The following RGMA variants were observed in gnomAD, a reference collection of about 807,000 sequenced individuals.
The protein encoded by RGMA is repulsive guidance molecule BMP co-receptor a.
A neutral mutation model predicts 23.2 loss-of-function variants in RGMA; 10 were observed. The ratio of observed to expected loss-of-function variants is 0.43; its 90% confidence interval spans 0.27 to 0.73. The LOEUF (loss-of-function observed/expected upper bound fraction) is 0.73, where lower values mean the gene tolerates loss of function less well. RGMA is among the 30% of genes least tolerant of loss of function. The probability of loss-of-function intolerance (pLI) is 0.20; values close to 1 mark genes in which losing one functional copy is unlikely to be tolerated. For missense variants in RGMA, 547 were observed against 630.5 expected (o/e 0.87, Z 1.42); for synonymous variants, 308 against 279.3 (o/e 1.10, Z -1.03).
In RGMA at chr15:93,036,762, A is replaced by AGGTGGGCGCAGTGAGCGGTGG. The variant is rs2054665655; in HGVS notation, c.*8215_*8235dup. 6.6e-6 allele frequency: 1 copy of AGGTGGGCGCAGTGAGCGGTGG among 152,294 alleles called. No individual in the cohort carries two copies. The highest frequency in any genetic ancestry group is 2.4e-5 in the African/African-American group (1 of 41,444). 9.4% of individuals were successfully genotyped at this position (152,294 alleles called of 1,614,324 possible). ...CGTTCTCTGCCCTCAAGCGAGGAGT[A>AGGTGGGCGCAGTGAGCGGTGG]GGTGGGCGCAGTGAGCGGTGGGGTG... On this transcript the variant is annotated 3_prime_UTR_variant, in exon 4 of 4. Coordinates refer to ENST00000329082, the MANE Select transcript of RGMA (RefSeq NM_020211.3).
intron 2 of RGMA, among the ~76,000 whole-genome samples, chr15:93,055,330 C>T (rs2141816772): frequency 6.6e-6 from 1 of 152,302 alleles, no homozygotes; most frequent in East Asian, 1.9e-4. Context: ...CCACCACGAC[C>T]AAATCTGGTA....
At chr15:93,079,832 G>A (rs1410859479) in intron 1 of RGMA, among the ~76,000 whole-genome samples, 1 of 152,036 alleles carries the variant, frequency 6.6e-6, no homozygotes, top group African/African-American at 2.4e-5. Flanking sequence ...AAAAAAGGAC[G>A]CTTCTCAGGT....
intron 1 of RGMA, among the ~76,000 whole-genome samples, chr15:93,082,775 TTGTC>T (rs1208730629): frequency 4.6e-5 from 7 of 152,256 alleles, no homozygotes; most frequent in African/African-American, 1.7e-4. Context: ...ATGGAATTGT[TTGTC>T]TTTCTTTTGG....
At position 93,072,102 on chromosome 15, in the gene RGMA, C is replaced by G. The variant is rs1029146711; in HGVS notation, c.130+814G>C. Among the ~76,000 whole-genome samples, 5 of 152,132 alleles carry G rather than the reference C, an allele frequency of 3.3e-5. No individual in the cohort carries two copies. In the East Asian group the frequency reaches 9.7e-4, roughly 29 times the overall value. On this transcript the variant is annotated intron_variant, in intron 2 of 3. Transcript: ENST00000329082. ...GGCCGGGGATTTAAGTTGCATGCCT[C>G]CCCCCTCCCCCCGAAAGGAAAAAAA...
At chr15:93,064,947 C>T (rs1307403675) in intron 2 of RGMA, among the ~76,000 whole-genome samples, 2 of 152,080 alleles carry the variant, frequency 1.3e-5, no homozygotes, top group Non-Finnish European at 2.9e-5. Flanking sequence ...CCTTCTATAC[C>T]ACACAGTACA....
chr15:93,088,487 T>C (rs1895679139), intron 1 of RGMA: 4 of 989,738 alleles, frequency 4.0e-6, no homozygotes, highest in African/African-American at 1.7e-5. Context: ...GGGCAGGAGA[T>C]GGCCAGGCAG....
intron 1 of RGMA, among the ~76,000 whole-genome samples, chr15:93,085,298 G>C (rs1433164611): frequency 6.6e-6 from 1 of 152,202 alleles, no homozygotes; most frequent in Non-Finnish European, 1.5e-5. Flanking sequence ...AAGTCAATGA[G>C]TTTTGGGGCG....
chr15:93,073,582 A>G, intron 1 of RGMA: 1 of 1,534,562 alleles, frequency 6.5e-7, no homozygotes, highest in South Asian at 1.2e-5. Flanking sequence ...CAGACTGCCG[A>G]CCCCAAGCTT....
At position 93,066,688 on chromosome 15, in the gene RGMA, G is replaced by A. The variant is rs370076485; in HGVS notation, c.130+6228C>T. 1.0e-4 allele frequency: 39 copies of A among 380,562 alleles called. No individual in the cohort carries two copies. In the East Asian group the frequency reaches 2.1e-3, roughly 21 times the overall value. 23.6% of individuals were successfully genotyped at this position (380,562 alleles called of 1,614,324 possible). ...CCAGTACCGGCCCCCGCCGCCGCCC[G>A]GTTTTTTATATTTTTGGTAGAGACA... is the stretch of plus-strand genomic sequence containing the variant. On this transcript the variant is annotated intron_variant, in intron 2 of 3. Transcript: ENST00000329082.
At chr15:93,054,260 G>C (rs1250778189) in intron 2 of RGMA, among the ~76,000 whole-genome samples, 1 of 151,110 alleles carries the variant, frequency 6.6e-6, no homozygotes, top group Non-Finnish European at 1.5e-5. Context: ...TGATGGAAGA[G>C]CTACAGATTT....
chr15:93,047,331 G>A (rs1470056802), intron 3 of RGMA, among the ~76,000 whole-genome samples: 1 of 152,196 alleles, frequency 6.6e-6, no homozygotes, highest in East Asian at 1.9e-4. Context: ...TTTCCCAGGT[G>A]TCAGCTGTTT....
At chr15:93,046,469 C>T (rs2054826351) in intron 3 of RGMA, among the ~76,000 whole-genome samples, 1 of 152,154 alleles carries the variant, frequency 6.6e-6, no homozygotes, top group Non-Finnish European at 1.5e-5. Context: ...TTGGTTTGAA[C>T]CACTCAGTTT....
At chr15:93,075,373 C>G (rs1465566611) in intron 1 of RGMA, among the ~76,000 whole-genome samples, 1 of 151,930 alleles carries the variant, frequency 6.6e-6, no homozygotes, top group Non-Finnish European at 1.5e-5. Flanking sequence ...TGCACTGATT[C>G]CTTTTTAGGA....
At chr15:93,064,105 G>A (rs1302265732) in intron 2 of RGMA, among the ~76,000 whole-genome samples, 1 of 152,080 alleles carries the variant, frequency 6.6e-6, no homozygotes, top group African/African-American at 2.4e-5. Flanking sequence ...GCAGACCACG[G>A]GCAAGTAGGA....
intron 1 of RGMA, chr15:93,073,718 C>T: frequency 6.5e-7 from 1 of 1,537,226 alleles, no homozygotes; most frequent in East Asian, 2.4e-5. Context: ...TACTAACGCA[C>T]CTCGAGGTTC....
intron 1 of RGMA, among the ~76,000 whole-genome samples, chr15:93,076,537 G>C (rs957807929): frequency 2.0e-5 from 3 of 152,172 alleles, no homozygotes; most frequent in Non-Finnish European, 4.4e-5. Flanking sequence ...GGTAGAAACA[G>C]ATAATAGAGA....
intron 1 of RGMA, among the ~76,000 whole-genome samples, chr15:93,078,643 A>C (rs1042499584): frequency 6.6e-6 from 1 of 152,228 alleles, no homozygotes; most frequent in Non-Finnish European, 1.5e-5. Flanking sequence ...AAAACCCTTA[A>C]GGTACAAAGC....
intron 1 of RGMA, among the ~76,000 whole-genome samples, chr15:93,075,467 A>T (rs1027539477): frequency 5.3e-5 from 8 of 152,264 alleles, no homozygotes; most frequent in African/African-American, 1.4e-4. Flanking sequence ...TATGTACAAC[A>T]TAATGAACCC....
At chr15:93,057,709 A>G (rs1481378373) in intron 2 of RGMA, among the ~76,000 whole-genome samples, 1 of 152,176 alleles carries the variant, frequency 6.6e-6, no homozygotes, top group East Asian at 1.9e-4. Context: ...GTATCACTGG[A>G]GACATTTGTC....
Sources: gnomAD v4.1 joint callset for allele counts (sites outside exome capture counted in the v4.1 genomes callset) on GRCh38, gnomAD v4.1.1 for gene constraint, MANE v1.5 for transcripts, NCBI Gene and HGNC (gene_info 2026-07-23, HGNC 2026-07-21) for gene names.